Variants in UBQLN1 observed in about 807,000 individuals in gnomAD.
UBQLN1 encodes the protein ubiquilin-1.
UBQLN1 carries 13 observed loss-of-function variants against 65.4 expected under a neutral mutation model. That is an observed-to-expected ratio of 0.20 (90% CI 0.13 to 0.32). The LOEUF is 0.32. Ranked by LOEUF, UBQLN1 falls within the 10% of genes least tolerant of loss-of-function variation. The pLI is 1.00. For missense variants in UBQLN1, 561 were observed against 724.0 expected, an observed-to-expected ratio of 0.77 and a Z score of 2.58; for synonymous variants, 267 against 247.8, an observed-to-expected ratio of 1.08 and a Z score of -0.73.
intron 1 of UBQLN1, among the ~76,000 whole-genome samples, chr9:83,706,167 T>C (rs1008855712): frequency 1.3e-5 from 2 of 152,202 alleles, no homozygotes; most frequent in Non-Finnish European, 2.9e-5. Context: ...GGCAAATAAG[T>C]TCACAATGCT....
At chr9:83,683,325 T>C (rs1411505040) in intron 2 of UBQLN1, among the ~76,000 whole-genome samples, 3 of 145,008 alleles carry the variant, frequency 2.1e-5, no homozygotes, top group African/African-American at 7.7e-5. Context: ...GGCAGGAGAA[T>C]GGCGTGAACC....
intron 1 of UBQLN1, among the ~76,000 whole-genome samples, chr9:83,693,420 T>C (rs1193466888): frequency 2.6e-5 from 4 of 152,338 alleles, no homozygotes; most frequent in Admixed American, 1.3e-4. Context: ...TAGTGATAAC[T>C]GTCCAGACTC....
chr9:83,661,944 T>C lies in UBQLN1; in HGVS notation c.1618-5A>G, dbSNP rs752353119. On this transcript the variant is annotated splice_polypyrimidine_tract_variant and splice_region_variant and intron_variant, in intron 10 of 10. Coordinates refer to ENST00000376395, the MANE Select transcript of UBQLN1 (RefSeq NM_013438.5). ...TCTGACTTCTGGATTCTGTAGCTAT[T>C]AAAGAAAAAAAAAATTAATCCAACT... 1.3e-6 allele frequency: 2 copies of C among 1,598,574 alleles called. No individual in the cohort carries two copies. The highest frequency in any genetic ancestry group is 2.2e-5 in the East Asian group (1 of 44,778).
chr9:83,663,026 T>G, intron 10 of UBQLN1, among the ~76,000 whole-genome samples: 1 of 144,032 alleles, frequency 6.9e-6, no homozygotes, highest in Admixed American at 7.4e-5. Context: ...CAGTGAGCTG[T>G]GATTGCATCC....
chr9:83,702,557 A>G (rs1424960384), intron 1 of UBQLN1, among the ~76,000 whole-genome samples: 1 of 152,238 alleles, frequency 6.6e-6, no homozygotes, highest in Admixed American at 6.5e-5. Flanking sequence ...AGTTTTTAAT[A>G]AAAGGTCAAA....
chr9:83,691,351 G>A (rs147243490), intron 1 of UBQLN1, among the ~76,000 whole-genome samples: 50 of 152,130 alleles, frequency 3.3e-4, no homozygotes, highest in African/African-American at 1.2e-3. Flanking sequence ...CATTAACATC[G>A]TATGTGGCAG....
chr9:83,668,341 A>G (rs1831675995), intron 7 of UBQLN1: 1 of 985,322 alleles, frequency 1.0e-6, no homozygotes, highest in African/African-American at 1.7e-5. Flanking sequence ...GATGAGATTA[A>G]CTATAAAGTC....
Position 83,680,019 on chromosome 9 carries a change from GCAAGTCCCC to G in UBQLN1, c.458_466del (p.Gly153_Leu155del). 6.2e-7 allele frequency: 1 copy of G among 1,612,774 alleles called. No homozygotes were observed. The highest frequency in any genetic ancestry group is 8.5e-7 in the Non-Finnish European group (1 of 1,178,948). ...ATTCAAACCCAAGCTACTCAGACCT[GCAAGTCCCC>G]CAAGGCCACCTAAGAGGATAAAGGG... On this transcript the variant is annotated inframe_deletion, in exon 4 of 11. Transcript: ENST00000376395.
At chr9:83,702,621 T>A (rs962474716) in intron 1 of UBQLN1, among the ~76,000 whole-genome samples, 4 of 152,222 alleles carry the variant, frequency 2.6e-5, no homozygotes, top group Non-Finnish European at 4.4e-5. Context: ...TTTCAATACA[T>A]AATATATCAA....
chr9:83,683,783 G>C (rs537053660), intron 2 of UBQLN1, among the ~76,000 whole-genome samples: 3 of 152,246 alleles, frequency 2.0e-5, no homozygotes, highest in Non-Finnish European at 2.9e-5. Context: ...AGCACTTTGC[G>C]AGGCCGAGGC....
chr9:83,677,512 A>G (rs1320532442), intron 6 of UBQLN1, among the ~76,000 whole-genome samples: 1 of 152,238 alleles, frequency 6.6e-6, no homozygotes, highest in Non-Finnish European at 1.5e-5. Context: ...CGGTGAGCTG[A>G]GATCGTGCCA....
intron 1 of UBQLN1, among the ~76,000 whole-genome samples, chr9:83,694,245 G>A (rs1169560377): frequency 6.6e-6 from 1 of 152,144 alleles, no homozygotes; most frequent in African/African-American, 2.4e-5. Context: ...CATATTAACA[G>A]CATTTAGCAA....
At chr9:83,663,521 A>AT (rs1271323987) in intron 10 of UBQLN1, among the ~76,000 whole-genome samples, 3 of 152,224 alleles carry the variant, frequency 2.0e-5, no homozygotes, top group African/African-American at 7.2e-5. Context: ...ACTTGGGATA[A>AT]TCAAGTTTCC....
intron 3 of UBQLN1, among the ~76,000 whole-genome samples, chr9:83,682,393 A>G (rs1364859505): frequency 6.6e-6 from 1 of 151,944 alleles, no homozygotes; most frequent in African/African-American, 2.4e-5. Context: ...CCAGCAGGAC[A>G]CCGTAAGCCA....
chr9:83,679,678 T>G, intron 4 of UBQLN1, 97 bp downstream of exon 4: 1 of 1,321,072 alleles, frequency 7.6e-7, no homozygotes, highest in Non-Finnish European at 1.0e-6. Flanking sequence ...TCTCTTTAGC[T>G]TAACCATACA....
intron 1 of UBQLN1, among the ~76,000 whole-genome samples, chr9:83,705,747 T>TA (rs1390020781): frequency 3.3e-5 from 5 of 152,110 alleles, no homozygotes; most frequent in African/African-American, 1.2e-4. Flanking sequence ...GGTATACACA[T>TA]ACAGTGGAAA....
chr9:83,684,085 G>A (rs1368372388), intron 2 of UBQLN1, among the ~76,000 whole-genome samples: 1 of 152,002 alleles, frequency 6.6e-6, no homozygotes, highest in East Asian at 1.9e-4. Context: ...AGTTCTTGAG[G>A]GTTATGAGCC....
In UBQLN1 at chr9:83,665,125, T is replaced by C. The variant is rs764409808; in HGVS notation, c.1353A>G (p.Leu451=). The C allele has an allele frequency of 2.5e-6, 4 of 1,613,166 alleles. No individual in the cohort carries two copies. Among genetic ancestry groups the C allele is most frequent in the Admixed American group, 1.7e-5 (1 of 59,816 alleles). The change falls in exon 9 of 11, where the codon CTA becomes CTG. Residue 451 remains leucine, a synonymous_variant. Transcript: ENST00000376395. ...TTGCTCTAGGGTTTGACATTGCTGA[T>C]AGTGTATCAGGATTCTGCATCTAAG... ...FLQQMQNPDT[L]SAMSNPRAMQ...
At chr9:83,692,003 T>A (rs1448706720) in intron 1 of UBQLN1, among the ~76,000 whole-genome samples, 2 of 152,212 alleles carry the variant, frequency 1.3e-5, no homozygotes, top group Non-Finnish European at 2.9e-5. Flanking sequence ...CACTTCCAAG[T>A]AGAAGGCTAC....
Sources: allele counts gnomAD v4.1 joint callset (sites outside exome capture counted in the v4.1 genomes callset), GRCh38; gene constraint gnomAD v4.1.1; transcripts MANE v1.5; gene names NCBI Gene and HGNC (gene_info 2026-07-23, HGNC 2026-07-21).